BTNL8: variants seen among roughly 807,000 people sequenced by gnomAD.
BTNL8 encodes butyrophilin-like protein 8.
BTNL8 carries 22 observed loss-of-function variants against 36.1 expected under a neutral mutation model. The observed-to-expected ratio is 0.61, with a 90% confidence interval of 0.44 to 0.87. The LOEUF is 0.87. Among genes scored for constraint, BTNL8 ranks in the 40% least tolerant of loss-of-function variants. BTNL8 has a pLI of 0.00. For synonymous variants in BTNL8, 203 were observed against 235.6 expected, an observed-to-expected ratio of 0.86 and a Z score of 1.27; for missense variants, 526 against 616.9, an observed-to-expected ratio of 0.85 and a Z score of 1.56.
At chr5:180,932,975 T>G (rs1758470908) in intron 3 of BTNL8, among the ~76,000 whole-genome samples, 1 of 144,038 alleles carries the variant, frequency 6.9e-6, no homozygotes, top group Non-Finnish European at 1.5e-5. Flanking sequence ...AGTGAGGGGA[T>G]GAAAAAGGAT....
intron 3 of BTNL8, among the ~76,000 whole-genome samples, chr5:180,915,010 C>G (rs1037958685): frequency 3.3e-5 from 5 of 152,142 alleles, no homozygotes; most frequent in Non-Finnish European, 4.4e-5. Flanking sequence ...CCCAGGAAAC[C>G]CATTTCTGTC....
intron 3 of BTNL8, among the ~76,000 whole-genome samples, chr5:180,936,735 TC>T (rs1582052879): frequency 6.6e-6 from 1 of 152,158 alleles, no homozygotes; most frequent in Non-Finnish European, 1.5e-5. Flanking sequence ...GGCCACTCCA[TC>T]CCCTCAACCA....
intron 3 of BTNL8, among the ~76,000 whole-genome samples, chr5:180,933,387 T>C (rs1368174720): frequency 6.6e-6 from 1 of 152,180 alleles, no homozygotes; most frequent in African/African-American, 2.4e-5. Flanking sequence ...CTCCAGAACA[T>C]ATCATATCTT....
At chr5:180,910,662 C>A in intron 2 of BTNL8, among the ~76,000 whole-genome samples, 1 of 152,158 alleles carries the variant, frequency 6.6e-6, no homozygotes, top group East Asian at 1.9e-4. Context: ...TACCTACAAC[C>A]ATCTTGGTAA....
chr5:180,904,821 A>T (rs1235187104), intron 1 of BTNL8, among the ~76,000 whole-genome samples: 1 of 151,912 alleles, frequency 6.6e-6, no homozygotes, highest in African/African-American at 2.4e-5. Flanking sequence ...TATATGCTGG[A>T]TTACATTTAT....
rs201386400 is a variant in BTNL8 at position 180,907,315 on chromosome 5, C to G, written c.50-1271C>G. On this transcript the variant is annotated intron_variant, in intron 1 of 7. Coordinates refer to ENST00000340184, the MANE Select transcript of BTNL8 (RefSeq NM_001040462.3). ...TACCCTTTCTTCCAGTTGATCGCAT[C>G]GGCTCCTGAGGCTTCTGCATTCTTC... Among the ~76,000 whole-genome samples the G allele has an allele frequency of 5.1e-5, 5 of 97,186 alleles. 1 individual carries two copies. Among genetic ancestry groups the G allele is most frequent in the Non-Finnish European group, 1.0e-4 (5 of 49,894 alleles). 63.8% of individuals were successfully genotyped at this position (97,186 alleles called of 152,430 possible).
In BTNL8 at chr5:180,911,584, C is replaced by G. The variant is rs146434143; in HGVS notation, c.643C>G (p.Arg215Gly). Residue 215 changes from arginine (R) to glycine (G), a missense_variant, in exon 3 of 8, where the codon CGA becomes GGA. Physicochemically the swap from Arg to Gly is moderately radical, Grantham distance 125. This residue lies in a region of BTNL8 where 350 missense variants were observed against 324.6 expected (regional missense o/e 1.08). Coordinates refer to ENST00000340184, the MANE Select transcript of BTNL8 (RefSeq NM_001040462.3). ...SCSMRHAHLS[R>G]EVESRVQIGD... ...TTCCATGCGGCATGCTCATCTGAGC[C>G]GAGAGGTGGAATCCAGGGTACAGAT... 2 of 1,613,348 alleles carry G rather than the reference C, an allele frequency of 1.2e-6. No individual in the cohort carries two copies. Among genetic ancestry groups the G allele is most frequent in the Non-Finnish European group, 8.5e-7 (1 of 1,179,670 alleles).
At chr5:180,917,562 T>C (rs184729840) in intron 3 of BTNL8, among the ~76,000 whole-genome samples, 56 of 152,030 alleles carry the variant, frequency 3.7e-4, no homozygotes, top group African/African-American at 1.3e-3. Flanking sequence ...CAGAAATGGA[T>C]ACATTCCTAG....
intron 3 of BTNL8, among the ~76,000 whole-genome samples, chr5:180,923,525 A>G (rs988667655): frequency 6.6e-6 from 1 of 152,162 alleles, no homozygotes; most frequent in African/African-American, 2.4e-5. Flanking sequence ...TTCATCTGAT[A>G]GAAAGCTATT....
At chr5:180,947,873 A>G in intron 4 of BTNL8, 3 of 1,356,746 alleles carry the variant, frequency 2.2e-6, no homozygotes, top group South Asian at 1.4e-5. Context: ...TTCAGTACCT[A>G]TAGAGAGAGC....
intron 3 of BTNL8, among the ~76,000 whole-genome samples, chr5:180,941,912 C>CTTTTTTTTTTTTTTTT (rs1554145496): frequency 1.4e-3 from 202 of 144,654 alleles, no homozygotes; most frequent in East Asian, 2.4e-3. Context: ...TTTTACTACT[C>CTTTTTTTTTTTTTTTT]TTATTCAACA....
intron 1 of BTNL8, among the ~76,000 whole-genome samples, chr5:180,905,799 A>G (rs1236514817): frequency 6.6e-6 from 1 of 150,910 alleles, no homozygotes; most frequent in African/African-American, 2.5e-5. Flanking sequence ...GTAGTCATTC[A>G]GGAGCAGGTT....
At chr5:180,913,813 C>T (rs935562707) in intron 3 of BTNL8, among the ~76,000 whole-genome samples, 1 of 152,206 alleles carries the variant, frequency 6.6e-6, no homozygotes, top group Non-Finnish European at 1.5e-5. Flanking sequence ...CGAATAACTA[C>T]TCTTCTTTTG....
At chr5:180,949,834 C>G in intron 7 of BTNL8, 70 bp from the exon 8 acceptor site, 1 of 1,400,238 alleles carries the variant, frequency 7.1e-7, no homozygotes, top group Non-Finnish European at 9.8e-7. Context: ...GTGGGAGGGT[C>G]GACCTCTTGC....
At chr5:180,948,637 T>C in intron 5 of BTNL8, 1 of 965,128 alleles carries the variant, frequency 1.0e-6, no homozygotes, top group South Asian at 1.5e-5. Flanking sequence ...GTGTGTGTGG[T>C]GGGGGAAGGT....
rs1164817113 is a variant in BTNL8 at position 180,935,746 on chromosome 5, AC to A, written c.674-11764del. 1.2e-5 allele frequency among the ~76,000 whole-genome samples: 1 copy of A among 83,002 alleles called. No individual in the cohort carries two copies. The highest frequency in any genetic ancestry group is 4.6e-5 in the African/African-American group (1 of 21,578). 54.5% of individuals were successfully genotyped at this position (83,002 alleles called of 152,430 possible). On this transcript the variant is annotated intron_variant, in intron 3 of 7. Transcript: ENST00000340184. The surrounding 1 kb of genome is among the most constrained non-coding windows in gnomAD (Gnocchi z 4.8). Reference sequence around the variant, plus strand: ...CCATTCCCAGCCCCCTCCCAGCCCCACCTGGCTCCATGGAGCACATGGCCCC... The same window carrying A: ...CCATTCCCAGCCCCCTCCCAGCCCCACTGGCTCCATGGAGCACATGGCCCC...
At chr5:180,927,159 C>T (rs532207472) in intron 3 of BTNL8, among the ~76,000 whole-genome samples, 50 of 152,300 alleles carry the variant, frequency 3.3e-4, no homozygotes, top group Non-Finnish European at 4.4e-4. Context: ...CTGCACCCTC[C>T]GCTGATGATA....
At chr5:180,919,161 A>T (rs1453621939) in intron 3 of BTNL8, among the ~76,000 whole-genome samples, 1 of 152,230 alleles carries the variant, frequency 6.6e-6, no homozygotes, top group Non-Finnish European at 1.5e-5. Flanking sequence ...GCTATCTGTC[A>T]TGTGATGCTA....
intron 3 of BTNL8, among the ~76,000 whole-genome samples, chr5:180,913,562 C>T (rs1445807746): frequency 1.3e-5 from 2 of 152,180 alleles, no homozygotes; most frequent in Non-Finnish European, 2.9e-5. Flanking sequence ...GGTGGTGGTA[C>T]AAGGACGTAA....
Sources: gnomAD v4.1 joint callset for allele counts (sites outside exome capture counted in the v4.1 genomes callset) on GRCh38, gnomAD v4.1.1 for gene constraint, gnomAD v4.1.1 regional missense constraint, Gnocchi (gnomAD v3.1) non-coding constraint, MANE v1.5 for transcripts, NCBI Gene and HGNC (gene_info 2026-07-23, HGNC 2026-07-21) for gene names.